POLG2: variants seen among roughly 807,000 people sequenced by gnomAD.
POLG2 encodes the protein DNA polymerase gamma 2, accessory subunit.
A neutral mutation model predicts 56.5 loss-of-function variants in POLG2; 50 were observed. That is an observed-to-expected ratio of 0.88 (90% CI 0.71 to 1.12). POLG2 has a LOEUF of 1.12. POLG2 is among the 50% of genes most tolerant of loss of function. The pLI is 0.00. For synonymous variants in POLG2, 226 were observed against 222.6 expected (o/e 1.02, Z -0.14); for missense variants, 584 against 583.3 (o/e 1.00, Z -0.01).
chr17:64,493,433 AG>A (rs2038097797), intron 1 of POLG2, among the ~76,000 whole-genome samples: 1 of 152,028 alleles, frequency 6.6e-6, no homozygotes, highest in Admixed American at 6.6e-5. Context: ...AAACAAAAAA[AG>A]ACAGATCACC....
intron 4 of POLG2, 110 bp from the exon 5 acceptor site, chr17:64,485,978 A>G: frequency 1.0e-6 from 1 of 997,106 alleles, no homozygotes; most frequent in South Asian, 1.3e-5. Flanking sequence ...GTGCAGTGGC[A>G]TGATCTCAGC....
At chr17:64,486,914 AGAG>A (rs2037965996) in intron 4 of POLG2, 1 of 152,248 alleles carries the variant, frequency 6.6e-6, no homozygotes, top group South Asian at 2.1e-4. Flanking sequence ...TCTAAACTGA[AGAG>A]GAATCATTTC....
intron 1 of POLG2, 79 bp from the exon 2 acceptor site, chr17:64,493,100 T>C: frequency 7.0e-7 from 1 of 1,418,864 alleles, no homozygotes; most frequent in South Asian, 1.2e-5. Flanking sequence ...ACATTAATAG[T>C]AGTAATAACG....
At position 64,480,817 on chromosome 17, in the gene POLG2, A is replaced by T. The variant is rs58189075; in HGVS notation, c.1192-428T>A. On this transcript the variant is annotated intron_variant, in intron 6 of 7. Transcript: ENST00000539111. ...GTCAGGAAGAGGCAGAAGAGCCAGG[A>T]AAGAAAAAGGATGAGAAAAAGGAGA... is the stretch of plus-strand genomic sequence containing the variant. Among the ~76,000 whole-genome samples the T allele has an allele frequency of 1.1e-3, 173 of 152,312 alleles. 1 individual carries two copies. The East Asian group carries it at 0.025, about 22-fold the overall frequency.
chr17:64,496,912 A>G lies in POLG2; in HGVS notation c.57T>C (p.Ser19=). The change falls in exon 1 of 8, where the codon TCT becomes TCC. Residue 19 remains serine, a synonymous_variant. Transcript: ENST00000539111. ...ACHKVCRCLL[S]GFGGRVDAGQ... ...CCGCATCTACTCGACCCCCAAACCC[A>G]GACAACAGGCACCTGCAGACCTTAT... 1 of 1,612,508 alleles carries G rather than the reference A, an allele frequency of 6.2e-7. No homozygotes were observed. The highest frequency in any genetic ancestry group is 8.5e-7 in the Non-Finnish European group (1 of 1,180,006).
intron 4 of POLG2, among the ~76,000 whole-genome samples, chr17:64,489,655 G>A (rs1377817795): frequency 2.6e-5 from 4 of 152,078 alleles, no homozygotes; most frequent in Non-Finnish European, 4.4e-5. Flanking sequence ...AGCTACTTGG[G>A]AGGCTGAGGC....
chr17:64,479,879 T>C (rs1251613240), intron 7 of POLG2, among the ~76,000 whole-genome samples: 1 of 152,190 alleles, frequency 6.6e-6, no homozygotes, highest in Non-Finnish European at 1.5e-5. Context: ...GCCAATCCCT[T>C]AGAAGACTAG....
At chr17:64,491,460 T>C in intron 3 of POLG2, 1 of 995,436 alleles carries the variant, frequency 1.0e-6, no homozygotes, top group East Asian at 2.5e-5. Context: ...CAGTGAGCTG[T>C]GATTGTGCAA....
intron 3 of POLG2, 92 bp from the exon 4 acceptor site, chr17:64,491,061 AC>A: frequency 2.0e-6 from 2 of 1,017,914 alleles, no homozygotes; most frequent in South Asian, 2.6e-5. Context: ...ATTGTCCGAT[AC>A]TTTTTATTCA....
chr17:64,492,596 G>C (rs1272004929), intron 3 of POLG2, 71 bp downstream of exon 3: 9 of 841,464 alleles, frequency 1.1e-5, no homozygotes, highest in Non-Finnish European at 1.8e-5. Context: ...TTGTATGTCA[G>C]AAGAATTACC....
chr17:64,496,747 C>G lies in POLG2; in HGVS notation c.222G>C (p.Gln74His). ...EGSEALLEICQRRHFLSGSKQ... is the reference protein window; with the variant it reads ...EGSEALLEICHRRHFLSGSKQ... ...TGCTTCCACTTAGGAAATGCCTTCT[C>G]TGACAGATCTCTAACAGCGCCTCGC... The change falls in exon 1 of 8, where the codon CAG (glutamine) becomes CAC (histidine). Residue 74 changes from glutamine (Q) to histidine (H), a missense_variant. By Grantham distance (24) the Gln-to-His change is conservative. Transcript: ENST00000539111. 6.2e-7 allele frequency: 1 copy of G among 1,614,098 alleles called. No individual in the cohort carries two copies. Among genetic ancestry groups the G allele is most frequent in the Non-Finnish European group, 8.5e-7 (1 of 1,180,022 alleles).
intron 4 of POLG2, among the ~76,000 whole-genome samples, chr17:64,488,824 C>T (rs778755683): frequency 2.0e-5 from 3 of 151,996 alleles, no homozygotes; most frequent in South Asian, 2.1e-4. Flanking sequence ...AAAAATTAAC[C>T]GGGCGTGGTG....
rs1420686492 is a variant in POLG2, at chr17:64,497,004, C to A, written c.-36G>T. On this transcript the variant is annotated 5_prime_UTR_variant, in exon 1 of 8. Transcript: ENST00000539111. The stretch of plus-strand genomic sequence containing the variant: ...AGTTAAAGAGCACACTCTCCCATCA[C>A]TCAACGGATCCCAACAAGCCACCAC... 6.4e-7 allele frequency: 1 copy of A among 1,573,000 alleles called. No individual in the cohort carries two copies. Among genetic ancestry groups the A allele is most frequent in the African/African-American group, 1.3e-5 (1 of 74,452 alleles).
Position 64,492,910 on chromosome 17 carries a change from C to T in POLG2, c.674G>A (p.Arg225Gln), listed in dbSNP as rs148101254. Residue 225 changes from arginine (R) to glutamine (Q), a missense_variant, in exon 2 of 8, where the codon CGA becomes CAA. Arg to Gln is a conservative substitution (Grantham distance 43). Transcript: ENST00000539111. ...FHPVFDTKQIRNGVKSIGEKT... is the reference protein window; with the variant it reads ...FHPVFDTKQIQNGVKSIGEKT... ...CTTTTTATACCTTTTAACACCATTT[C>T]GTATCTGCTTAGTGTCAAAAACAGG... is the stretch of plus-strand genomic sequence containing the variant. 7.1e-5 allele frequency: 114 copies of T among 1,614,048 alleles called. 1 individual carries two copies. The highest frequency in any genetic ancestry group is 4.9e-4 in the African/African-American group (37 of 75,034).
At chr17:64,491,771 G>A (rs2038063466) in intron 3 of POLG2, 2 of 642,588 alleles carry the variant, frequency 3.1e-6, no homozygotes, top group South Asian at 2.9e-5. Context: ...AGCACGAGCG[G>A]CTATGCAAGT....
intron 6 of POLG2, chr17:64,481,501 T>C: frequency 1.7e-6 from 1 of 574,130 alleles, no homozygotes; most frequent in Non-Finnish European, 2.2e-6. Context: ...ATTTAATCAT[T>C]AGAACAAATT....
intron 4 of POLG2, among the ~76,000 whole-genome samples, chr17:64,490,229 TAATA>T (rs1300322086): frequency 6.6e-6 from 1 of 152,190 alleles, no homozygotes; most frequent in African/African-American, 2.4e-5. Flanking sequence ...GGCCGTTAAT[TAATA>T]AATACAAACT....
rs561359211 is a variant in POLG2 at position 64,490,163 on chromosome 17, T to G, written c.969+633A>C. Among the ~76,000 whole-genome samples, 29 of 152,188 alleles carry G rather than the reference T, an allele frequency of 1.9e-4. No individual in the cohort carries two copies. The South Asian group carries it at 6.0e-3, about 32-fold the overall frequency. On this transcript the variant is annotated intron_variant, in intron 4 of 7. Transcript: ENST00000539111. ...TGGTCTCAATCTCTTGACCTCATGA[T>G]CCTCCCACTTCGGCCTCACAAAGTG...
At chr17:64,482,769 T>A (rs1275411913) in intron 6 of POLG2, 150 bp downstream of exon 6, 5 of 611,600 alleles carry the variant, frequency 8.2e-6, no homozygotes, top group Non-Finnish European at 1.5e-5. Flanking sequence ...TCAAAGGAAA[T>A]GCTCATCAGA....
Sources: allele counts gnomAD v4.1 joint callset (sites outside exome capture counted in the v4.1 genomes callset), GRCh38; gene constraint gnomAD v4.1.1; transcripts MANE v1.5; gene names NCBI Gene and HGNC (gene_info 2026-07-23, HGNC 2026-07-21).